The following ZNF280D variants were observed in gnomAD, a reference collection of about 807,000 sequenced individuals.
ZNF280D encodes the protein zinc finger protein 280D.
Under a neutral mutation model 94.7 loss-of-function variants are expected in ZNF280D, and 39 were observed. The ratio of observed to expected loss-of-function variants is 0.41; its 90% CI spans 0.32 to 0.54. The LOEUF (loss-of-function observed/expected upper bound fraction) is 0.54, where lower values mean the gene tolerates loss of function less well. ZNF280D is among the 20% of genes least tolerant of loss of function. ZNF280D has a pLI of 0.22. For synonymous variants in ZNF280D, 398 were observed against 377.6 expected (o/e 1.05, Z -0.63); for missense variants, 1,090 against 1,149.3 (o/e 0.95, Z 0.75).
intron 1 of ZNF280D, among the ~76,000 whole-genome samples, chr15:56,723,070 G>GCAC (rs2058452646): frequency 8.0e-6 from 1 of 124,742 alleles, no homozygotes. Context: ...ACACTCTGGG[G>GCAC]ACTATTGTGG....
chr15:56,658,327 G>T, intron 17 of ZNF280D, 97 bp downstream of exon 17: 2 of 798,108 alleles, frequency 2.5e-6, no homozygotes, highest in Non-Finnish European at 4.1e-6. Flanking sequence ...AAATTGTATG[G>T]TATGCTAATT....
intron 16 of ZNF280D, among the ~76,000 whole-genome samples, chr15:56,659,786 A>G (rs1208379340): frequency 3.9e-5 from 6 of 152,032 alleles, no homozygotes; most frequent in African/African-American, 1.2e-4. Context: ...AAGCATTTTC[A>G]GTGATTCACA....
chr15:56,729,300 C>T (rs1274959137), intron 1 of ZNF280D, among the ~76,000 whole-genome samples: 1 of 152,196 alleles, frequency 6.6e-6, no homozygotes, highest in Non-Finnish European at 1.5e-5. Flanking sequence ...GGCTGAATAT[C>T]ACACAGCATC....
chr15:56,642,917 TA>T (rs1265914756), intron 20 of ZNF280D, 34 bp downstream of exon 20: 2 of 1,427,752 alleles, frequency 1.4e-6, no homozygotes, highest in African/African-American at 1.5e-5. Flanking sequence ...TTCAAATGTA[TA>T]AACCTTTAAG....
chr15:56,686,903 T>C (rs1429280975), intron 9 of ZNF280D, among the ~76,000 whole-genome samples: 4 of 152,130 alleles, frequency 2.6e-5, no homozygotes, highest in Non-Finnish European at 5.9e-5. Flanking sequence ...GTCTGACACA[T>C]AGTCTCAGAT....
At chr15:56,667,978 A>G (rs1292725789) in intron 14 of ZNF280D, 1 of 198,638 alleles carries the variant, frequency 5.0e-6, no homozygotes, top group African/African-American at 2.4e-5. Context: ...AAAAAATGAG[A>G]GAGGACTGCA....
At chr15:56,708,421 C>T (rs183061772) in intron 1 of ZNF280D, among the ~76,000 whole-genome samples, 9 of 152,262 alleles carry the variant, frequency 5.9e-5, no homozygotes, top group South Asian at 2.1e-4. Context: ...CAGATAAATA[C>T]GTGATAATCC....
chr15:56,633,701 G>C (rs1596313804), intron 21 of ZNF280D, among the ~76,000 whole-genome samples: 1 of 151,888 alleles, frequency 6.6e-6, no homozygotes, highest in Non-Finnish European at 1.5e-5. Context: ...ATGTTGGTCA[G>C]GCTGGTCTTG....
rs1212395724 is a variant in ZNF280D, at chr15:56,630,488, CTGT to C, written c.*1007_*1009del. The C allele has an allele frequency of 1.3e-5, 2 of 152,072 alleles. No individual in the cohort carries two copies. The highest frequency in any genetic ancestry group is 2.9e-5 in the Non-Finnish European group (2 of 67,988). 9.4% of individuals were successfully genotyped at this position (152,072 alleles called of 1,614,324 possible). On this transcript the variant is annotated 3_prime_UTR_variant, in exon 22 of 22. Transcript: ENST00000267807. ...TTCCAAAACCAGTTCTTTTACATCA[CTGT>C]TTTAGGTCCCATTTGAAGTTTTTAT...
intron 14 of ZNF280D, chr15:56,668,277 T>A (rs1350692038): frequency 1.0e-5 from 4 of 389,660 alleles, no homozygotes; most frequent in Admixed American, 3.4e-5. Flanking sequence ...CAGATGTACA[T>A]AAGGCAAAAA....
At position 56,678,695 on chromosome 15, in the gene ZNF280D, G is replaced by T. The variant is rs373260761; in HGVS notation, c.1131C>A (p.Ile377=). 1.2e-6 allele frequency: 2 copies of T among 1,612,102 alleles called. No homozygotes were observed. Among genetic ancestry groups the T allele is most frequent in the African/African-American group, 2.7e-5 (2 of 74,840 alleles). The part of the protein sequence containing the change: ...FPTPFQLQCH[I]ESTHTPHEFS... ...ATTCATGGGGCGTATGTGTACTTTCGATGTGACACTGCAACTGAAATGGTG... is the reference window on the plus strand; with the variant it reads ...ATTCATGGGGCGTATGTGTACTTTCTATGTGACACTGCAACTGAAATGGTG... Residue 377 remains isoleucine, a synonymous_variant, in exon 11 of 22, where the codon ATC becomes ATA. Transcript: ENST00000267807.
intron 6 of ZNF280D, 53 bp from the exon 7 acceptor site, chr15:56,693,268 T>TA: frequency 4.4e-5 from 25 of 567,132 alleles, no homozygotes; most frequent in Non-Finnish European, 6.7e-5. Context: ...GTTATAATTA[T>TA]TTCAATATAA....
intron 16 of ZNF280D, among the ~76,000 whole-genome samples, chr15:56,659,690 T>C (rs1188388456): frequency 6.6e-6 from 1 of 151,924 alleles, no homozygotes; most frequent in African/African-American, 2.4e-5. Flanking sequence ...TATTTCAAAA[T>C]GTAGTCTTCC....
chr15:56,699,272 T>C (rs1479636497), intron 6 of ZNF280D: 7 of 597,772 alleles, frequency 1.2e-5, no homozygotes, highest in Non-Finnish European at 1.3e-5. Context: ...AGTTATTTAA[T>C]AGAAATGAGA....
chr15:56,706,015 T>A (rs1287992903), intron 3 of ZNF280D, among the ~76,000 whole-genome samples: 2 of 148,080 alleles, frequency 1.4e-5, no homozygotes, highest in Non-Finnish European at 3.0e-5. Context: ...GACCTAACCC[T>A]CACCACCATA....
Position 56,688,360 on chromosome 15 carries a change from G to A in ZNF280D, c.780+681C>T, listed in dbSNP as rs576002395. On this transcript the variant is annotated intron_variant, in intron 9 of 21. Transcript: ENST00000267807. ...ACAAAAATTAGCCGGGCGTGGTGGC[G>A]GGCGCCTGTAGTCCCAGCTACTTGG... is the stretch of plus-strand genomic sequence containing the variant. 1.6e-4 allele frequency among the ~76,000 whole-genome samples: 24 copies of A among 151,766 alleles called. No individual in the cohort carries two copies. In the East Asian group the frequency reaches 2.9e-3, roughly 18 times the overall value.
chr15:56,675,843 C>A (rs2055195186), intron 13 of ZNF280D, among the ~76,000 whole-genome samples: 1 of 151,956 alleles, frequency 6.6e-6, no homozygotes, highest in African/African-American at 2.4e-5. Flanking sequence ...AGTGAGTTGA[C>A]AAAATTTGAT....
In ZNF280D at chr15:56,707,302, C is replaced by T; in HGVS notation, c.-81G>A. 1 of 1,528,676 alleles carries T rather than the reference C, an allele frequency of 6.5e-7. No homozygotes were observed. The highest frequency in any genetic ancestry group is 8.8e-7 in the Non-Finnish European group (1 of 1,141,652). 94.7% of individuals were successfully genotyped at this position (1,528,676 alleles called of 1,614,324 possible). On this transcript the variant is annotated 5_prime_UTR_variant, in exon 2 of 22. Transcript: ENST00000267807. ...CAAGCCAGCAAGTTATTTCTGTTTT[C>T]CTTCCTATAAAATAAAGATACCAAC...
At chr15:56,682,523 T>C (rs2055697277) in intron 9 of ZNF280D, 46 bp from the exon 10 acceptor site, 4 of 1,280,450 alleles carry the variant, frequency 3.1e-6, no homozygotes, top group Admixed American at 6.1e-5. Context: ...ACTTATTCTT[T>C]AAAAAAACCA....
Sources: gnomAD v4.1 joint callset for allele counts (sites outside exome capture counted in the v4.1 genomes callset) on GRCh38, gnomAD v4.1.1 for gene constraint, MANE v1.5 for transcripts, NCBI Gene and HGNC (gene_info 2026-07-23, HGNC 2026-07-21) for gene names.